PPP1R12A: variants seen among roughly 807,000 people sequenced by gnomAD.
PPP1R12A encodes the protein myosin binding subunit.
A neutral mutation model predicts 139.6 loss-of-function variants in PPP1R12A; 19 were observed. That is an observed-to-expected ratio of 0.14 (90% CI 0.09 to 0.20). The LOEUF (loss-of-function observed/expected upper bound fraction) is 0.20. Ranked by LOEUF, PPP1R12A falls within the 10% of genes least tolerant of loss-of-function variation. The pLI is 1.00. For missense variants in PPP1R12A, 925 were observed against 1,211.5 expected, an observed-to-expected ratio of 0.76 and a Z score of 3.51; for synonymous variants, 427 against 420.6, an observed-to-expected ratio of 1.02 and a Z score of -0.19.
At chr12:79,798,866 T>A (rs1341856011) in intron 14 of PPP1R12A, among the ~76,000 whole-genome samples, 1 of 152,172 alleles carries the variant, frequency 6.6e-6, no homozygotes, top group Non-Finnish European at 1.5e-5. Flanking sequence ...ACCACATTTT[T>A]AAAAAGGATT....
intron 3 of PPP1R12A, among the ~76,000 whole-genome samples, chr12:79,842,575 TTGTGTGTGTGTGTGTG>T (rs148792533): frequency 3.5e-5 from 5 of 143,836 alleles, no homozygotes; most frequent in South Asian, 4.5e-4. Context: ...ATGTGGCACT[TTGTGTGTGTGTGTGTG>T]TGTGTGTGTG....
intron 1 of PPP1R12A, among the ~76,000 whole-genome samples, chr12:79,881,073 C>G (rs1883594967): frequency 1.3e-5 from 2 of 152,132 alleles, no homozygotes; most frequent in Non-Finnish European, 2.9e-5. Context: ...CACAAACCGG[C>G]AGTTCCCCAT....
In PPP1R12A at chr12:79,806,170, T is replaced by G. The variant is rs1873808028; in HGVS notation, c.1819A>C (p.Ser607Arg). 1 of 1,613,834 alleles carries G rather than the reference T, an allele frequency of 6.2e-7. No homozygotes were observed. The highest frequency in any genetic ancestry group is 2.2e-5 in the East Asian group (1 of 44,876). ...TTGSSSAGTQ[S>R]STSNRLWAED... ...CAAAATGTATCTGTGACTTACCTGC[T>G]TTGTGTGCCTGCTGAGGAAGAACCC... The change falls in exon 13 of 25, where the codon AGC (serine) becomes CGC (arginine). Residue 607 changes from serine to arginine, a missense_variant. Physicochemically the swap from Ser to Arg is moderately radical, Grantham distance 110. Transcript: ENST00000450142.
intron 10 of PPP1R12A, 38 bp downstream of exon 10, chr12:79,809,757 A>G: frequency 6.7e-7 from 1 of 1,497,438 alleles, no homozygotes; most frequent in Non-Finnish European, 9.2e-7. Context: ...AAGAAATCAT[A>G]ACAGTTTTCA....
chr12:79,907,106 A>G (rs1020182845), intron 1 of PPP1R12A, among the ~76,000 whole-genome samples: 3 of 152,198 alleles, frequency 2.0e-5, no homozygotes, highest in Non-Finnish European at 4.4e-5. Context: ...TCTCTTAGGT[A>G]TATTAGTAAG....
chr12:79,779,433 T>C lies in PPP1R12A; in HGVS notation c.2956-833A>G, dbSNP rs1592598993. The C allele has an allele frequency of 3.9e-6, 4 of 1,024,382 alleles. No homozygotes were observed. The South Asian group carries it at 5.3e-5, about 14-fold the overall frequency. 63.5% of individuals were successfully genotyped at this position (1,024,382 alleles called of 1,614,324 possible). ...CACTCTTTCCCAGATTAATAAATAA[T>C]GCTGATATTTAGTCAAGCAGTACAT... is the stretch of plus-strand genomic sequence containing the variant. On this transcript the variant is annotated intron_variant, in intron 23 of 24. Coordinates refer to ENST00000450142, the MANE Select transcript of PPP1R12A (RefSeq NM_002480.3).
intron 1 of PPP1R12A, among the ~76,000 whole-genome samples, chr12:79,922,859 T>A (rs940640263): frequency 2.0e-5 from 3 of 151,016 alleles, no homozygotes; most frequent in Non-Finnish European, 2.9e-5. Flanking sequence ...AAAAATTTTT[T>A]AAAAAGTATT....
intron 2 of PPP1R12A, among the ~76,000 whole-genome samples, chr12:79,858,626 A>T (rs1017077521): frequency 4.6e-5 from 7 of 151,936 alleles, no homozygotes; most frequent in Non-Finnish European, 8.8e-5. Context: ...TGCTGGGGGG[A>T]GGTGAGGTTC....
At chr12:79,895,578 A>G (rs1200754111) in intron 1 of PPP1R12A, among the ~76,000 whole-genome samples, 2 of 152,194 alleles carry the variant, frequency 1.3e-5, no homozygotes, top group Admixed American at 6.5e-5. Flanking sequence ...CAAATGGAAC[A>G]CTATTTTCTG....
chr12:79,804,352 A>C (rs1873561349), intron 14 of PPP1R12A, among the ~76,000 whole-genome samples: 1 of 152,132 alleles, frequency 6.6e-6, no homozygotes, highest in Non-Finnish European at 1.5e-5. Context: ...TATGACCTAT[A>C]CTGGTACTCA....
intron 3 of PPP1R12A, among the ~76,000 whole-genome samples, chr12:79,843,771 T>C (rs1592702671): frequency 6.6e-6 from 1 of 151,358 alleles, no homozygotes; most frequent in African/African-American, 2.4e-5. Context: ...TGGTGCAATC[T>C]CAGCTCACTG....
At chr12:79,860,907 G>A (rs1440424104) in intron 2 of PPP1R12A, among the ~76,000 whole-genome samples, 3 of 152,150 alleles carry the variant, frequency 2.0e-5, no homozygotes, top group African/African-American at 7.2e-5. Flanking sequence ...TAACGTATGT[G>A]TAATACATGA....
At chr12:79,846,366 A>G (rs1879389919) in intron 2 of PPP1R12A, among the ~76,000 whole-genome samples, 1 of 152,168 alleles carries the variant, frequency 6.6e-6, no homozygotes, top group Non-Finnish European at 1.5e-5. Context: ...TGTCAACAGC[A>G]CATCTCCCAG....
chr12:79,799,553 T>A (rs1391715653), intron 14 of PPP1R12A, among the ~76,000 whole-genome samples: 2 of 152,216 alleles, frequency 1.3e-5, no homozygotes, highest in Non-Finnish European at 2.9e-5. Context: ...TTTTTATATA[T>A]AAACAGCTTT....
intron 2 of PPP1R12A, among the ~76,000 whole-genome samples, chr12:79,849,229 T>C: frequency 6.6e-6 from 1 of 151,690 alleles, no homozygotes; most frequent in East Asian, 1.9e-4. Flanking sequence ...ACTAAAAAAA[T>C]ACAAAAAAAT....
chr12:79,799,329 A>T (rs1306656746), intron 14 of PPP1R12A, among the ~76,000 whole-genome samples: 7 of 151,904 alleles, frequency 4.6e-5, no homozygotes, highest in Admixed American at 4.6e-4. Context: ...TTTTATTTTT[A>T]GTGGAGATGG....
intron 1 of PPP1R12A, among the ~76,000 whole-genome samples, chr12:79,915,152 A>G (rs1886894565): frequency 6.6e-6 from 1 of 152,122 alleles, no homozygotes; most frequent in South Asian, 2.1e-4. Flanking sequence ...AGGGGCTCAT[A>G]AGAAAATAAT....
chr12:79,901,463 A>C (rs1383768990), intron 1 of PPP1R12A, among the ~76,000 whole-genome samples: 1 of 152,190 alleles, frequency 6.6e-6, no homozygotes, highest in Non-Finnish European at 1.5e-5. Context: ...GGAGGTAAAA[A>C]AGTAAGCTTA....
chr12:79,866,019 T>A (rs1281676286), intron 2 of PPP1R12A, among the ~76,000 whole-genome samples: 1 of 152,142 alleles, frequency 6.6e-6, no homozygotes, highest in African/African-American at 2.4e-5. Context: ...AAGACAATCC[T>A]GGGCAAGAAG....
Sources: allele counts gnomAD v4.1 joint callset (sites outside exome capture counted in the v4.1 genomes callset), GRCh38; gene constraint gnomAD v4.1.1; transcripts MANE v1.5; gene names NCBI Gene and HGNC (gene_info 2026-07-23, HGNC 2026-07-21).